COL26A1: variants seen among roughly 807,000 people sequenced by gnomAD.
COL26A1 encodes the protein collagen type XXVI alpha 1 chain.
Under a neutral mutation model 59.3 loss-of-function variants are expected in COL26A1, and 41 were observed. The observed-to-expected ratio is 0.69, with a 90% CI of 0.54 to 0.90. The LOEUF (loss-of-function observed/expected upper bound fraction) is 0.90, where lower values mean the gene tolerates loss of function less well. Among genes scored for constraint, COL26A1 ranks in the 40% least tolerant of loss-of-function variants. The pLI is 0.00. For synonymous variants in COL26A1, 266 were observed against 256.0 expected (o/e 1.04, Z -0.37); for missense variants, 612 against 602.3 (o/e 1.02, Z -0.17).
At chr7:101,451,318 A>G (rs1228026213) in intron 3 of COL26A1, among the ~76,000 whole-genome samples, 1 of 133,328 alleles carries the variant, frequency 7.5e-6, no homozygotes, top group Non-Finnish European at 1.5e-5. Context: ...TGAATTATGT[A>G]TTATAATTTA....
At position 101,414,533 on chromosome 7, in the gene COL26A1, G is replaced by A. The variant is rs996020912; in HGVS notation, c.159-5444G>A. On this transcript the variant is annotated intron_variant, in intron 1 of 12. Transcript: ENST00000313669. ...GCTCACTGCAACCTCTACCTCCCGG[G>A]CTCAAGCAATTCTCCCGCCTCAGCC... Among the ~76,000 whole-genome samples, 13 of 151,978 alleles carry A rather than the reference G, an allele frequency of 8.6e-5. 1 individual carries two copies. Among genetic ancestry groups the A allele is most frequent in the Admixed American group, 7.2e-4 (11 of 15,244 alleles).
At chr7:101,431,852 T>G (rs546945076) in intron 2 of COL26A1, among the ~76,000 whole-genome samples, 138 of 151,962 alleles carry the variant, frequency 9.1e-4, no homozygotes, top group African/African-American at 3.2e-3. Context: ...GGTGCAATGG[T>G]GTGATCATCT....
At chr7:101,553,618 T>C (rs1795906364) in intron 11 of COL26A1, among the ~76,000 whole-genome samples, 3 of 152,050 alleles carry the variant, frequency 2.0e-5, no homozygotes, top group East Asian at 3.9e-4. Flanking sequence ...GAGGGGGTGA[T>C]TGGCCCTTGG....
chr7:101,473,198 G>A (rs979310568), intron 3 of COL26A1, among the ~76,000 whole-genome samples: 1 of 151,802 alleles, frequency 6.6e-6, no homozygotes, highest in African/African-American at 2.4e-5. Context: ...TTCCGCCTCA[G>A]CCTCCCGAGT....
intron 3 of COL26A1, among the ~76,000 whole-genome samples, chr7:101,473,645 C>G (rs548863736): frequency 7.0e-6 from 1 of 143,564 alleles, no homozygotes; most frequent in African/African-American, 2.6e-5. Flanking sequence ...CACACACACA[C>G]ACACACACAA....
At chr7:101,455,043 T>A (rs1793436496) in intron 3 of COL26A1, among the ~76,000 whole-genome samples, 1 of 51,746 alleles carries the variant, frequency 1.9e-5, no homozygotes, top group South Asian at 4.5e-4. Context: ...TTCTTTATCT[T>A]TTTTTTTTTT....
At chr7:101,486,697 C>G (rs1205792034) in intron 3 of COL26A1, among the ~76,000 whole-genome samples, 1 of 152,258 alleles carries the variant, frequency 6.6e-6, no homozygotes, top group Non-Finnish European at 1.5e-5. Flanking sequence ...TTTTATTAGG[C>G]ACGTCGATCC....
At chr7:101,544,239 AT>A (rs1204752684) in intron 6 of COL26A1, 143 bp downstream of exon 6, 2 of 612,478 alleles carry the variant, frequency 3.3e-6, no homozygotes, top group East Asian at 2.8e-5. Flanking sequence ...TTTTTTTTTA[AT>A]TTTTTGAGAG....
At position 101,518,347 on chromosome 7, in the gene COL26A1, C is replaced by G. The variant is rs113031086; in HGVS notation, c.386-14735C>G. On this transcript the variant is annotated intron_variant, in intron 3 of 12. Transcript: ENST00000313669. ...CAGAGTGCCTGGCAGTGTCAGGCCG[C>G]TCCCCACCCCACCACAGCCTGGAGG... is the stretch of plus-strand genomic sequence containing the variant. Among the ~76,000 whole-genome samples, 889 of 152,310 alleles carry G rather than the reference C, an allele frequency of 5.8e-3. 10 individuals carry two copies. The highest frequency in any genetic ancestry group is 0.019 in the African/African-American group (796 of 41,566).
At chr7:101,433,080 C>T (rs544885314) in intron 2 of COL26A1, among the ~76,000 whole-genome samples, 9 of 152,146 alleles carry the variant, frequency 5.9e-5, no homozygotes, top group South Asian at 2.1e-4. Flanking sequence ...CCCAACACTT[C>T]GGGAGGCTGA....
At chr7:101,447,260 A>C (rs2130376908) in intron 2 of COL26A1, among the ~76,000 whole-genome samples, 1 of 152,224 alleles carries the variant, frequency 6.6e-6, no homozygotes, top group East Asian at 1.9e-4. Flanking sequence ...TGACCCCGTA[A>C]ACCATAATTT....
intron 1 of COL26A1, among the ~76,000 whole-genome samples, chr7:101,410,076 A>C (rs1361124467): frequency 1.3e-5 from 2 of 151,826 alleles, no homozygotes; most frequent in Admixed American, 6.6e-5. Flanking sequence ...TAGGGTTTTT[A>C]AGGTTGGTTT....
At chr7:101,370,409 T>C (rs1791162493) in intron 1 of COL26A1, among the ~76,000 whole-genome samples, 1 of 152,060 alleles carries the variant, frequency 6.6e-6, no homozygotes, top group African/African-American at 2.4e-5. Flanking sequence ...CTGGCTCTGT[T>C]GCCCAGGCTG....
intron 1 of COL26A1, among the ~76,000 whole-genome samples, chr7:101,366,045 G>T (rs924441442): frequency 1.3e-5 from 2 of 152,170 alleles, no homozygotes; most frequent in African/African-American, 4.8e-5. Flanking sequence ...AACAGGGAGA[G>T]GATATAATTA....
intron 2 of COL26A1, among the ~76,000 whole-genome samples, chr7:101,441,897 C>T (rs1000134060): frequency 1.3e-5 from 2 of 152,154 alleles, no homozygotes; most frequent in Non-Finnish European, 2.9e-5. Flanking sequence ...CAGCCTTACA[C>T]CAGGCATCCT....
chr7:101,451,178 A>G (rs1186991004), intron 3 of COL26A1, among the ~76,000 whole-genome samples: 13 of 142,988 alleles, frequency 9.1e-5, no homozygotes, highest in Admixed American at 7.9e-4. Context: ...TATGTAATAT[A>G]TATCTCAATA....
intron 1 of COL26A1, among the ~76,000 whole-genome samples, chr7:101,406,794 TA>T (rs575047856): frequency 6.6e-6 from 1 of 151,824 alleles, no homozygotes; most frequent in Non-Finnish European, 1.5e-5. Context: ...AAACATTTCT[TA>T]AAAAAATAGC....
intron 12 of COL26A1, 23 bp downstream of exon 12, chr7:101,555,894 G>A (rs755223132): frequency 5.1e-5 from 81 of 1,577,182 alleles, no homozygotes; most frequent in Middle Eastern, 1.7e-4. Context: ...CAGGATCAGC[G>A]GGCTGGGAAT....
At chr7:101,451,737 C>CTTTTTTTTT in intron 3 of COL26A1, among the ~76,000 whole-genome samples, 1 of 147,270 alleles carries the variant, frequency 6.8e-6, no homozygotes. Context: ...CGGAGTCTCG[C>CTTTTTTTTT]TCTGTTGCCC....
Sources: gnomAD v4.1 joint callset for allele counts (sites outside exome capture counted in the v4.1 genomes callset) on GRCh38, gnomAD v4.1.1 for gene constraint, MANE v1.5 for transcripts, NCBI Gene and HGNC (gene_info 2026-07-23, HGNC 2026-07-21) for gene names.